Variants in SEMA5A observed in about 807,000 individuals in gnomAD.
SEMA5A encodes the protein semaphorin 5A.
SEMA5A carries 55 observed loss-of-function variants against 135.5 expected under a neutral mutation model. The ratio of observed to expected loss-of-function variants is 0.41; its 90% CI spans 0.33 to 0.51. The LOEUF (loss-of-function observed/expected upper bound fraction) is 0.51, where lower values mean the gene tolerates loss of function less well. SEMA5A is among the 20% of genes least tolerant of loss of function. The probability of loss-of-function intolerance (pLI) is 0.37; values close to 1 mark genes in which losing one functional copy is unlikely to be tolerated. For synonymous variants in SEMA5A, 580 were observed against 546.5 expected (o/e 1.06, Z -0.85); for missense variants, 1,290 against 1,419.9 (o/e 0.91, Z 1.47).
At chr5:9,274,870 G>C (rs1242818097) in intron 5 of SEMA5A, among the ~76,000 whole-genome samples, 1 of 152,128 alleles carries the variant, frequency 6.6e-6, no homozygotes, top group Non-Finnish European at 1.5e-5. Flanking sequence ...ATGCCCAAAA[G>C]AGAAAGCAGG....
Position 9,154,484 on chromosome 5 carries a change from C to G in SEMA5A, c.1481+4G>C. ...AGTGCATCCTGACCCCGGAGATGCC[C>G]TACCTGCGTGTGCGGTAGAACTGGC... is the stretch of plus-strand genomic sequence containing the variant. On this transcript the variant is annotated splice_donor_region_variant and intron_variant, in intron 12 of 22. Transcript: ENST00000382496. The G allele has an allele frequency of 6.2e-7, 1 of 1,611,920 alleles. No homozygotes were observed. The highest frequency in any genetic ancestry group is 1.1e-5 in the South Asian group (1 of 90,978).
chr5:9,373,370 C>T (rs1263949323), intron 3 of SEMA5A, among the ~76,000 whole-genome samples: 1 of 152,142 alleles, frequency 6.6e-6, no homozygotes, highest in Non-Finnish European at 1.5e-5. Context: ...GGGATAAAGG[C>T]AGCTGTTAAA....
At chr5:9,187,887 G>A (rs548578673) in intron 11 of SEMA5A, among the ~76,000 whole-genome samples, 2 of 152,350 alleles carry the variant, frequency 1.3e-5, no homozygotes, top group Non-Finnish European at 2.9e-5. Context: ...CGGTGTGGGG[G>A]TGAGGGTGTT....
At chr5:9,365,122 G>A (rs189531470) in intron 3 of SEMA5A, among the ~76,000 whole-genome samples, 12 of 152,260 alleles carry the variant, frequency 7.9e-5, no homozygotes, top group African/African-American at 2.9e-4. Flanking sequence ...GTGGGCAGAT[G>A]CATTAGAAAA....
intron 5 of SEMA5A, among the ~76,000 whole-genome samples, chr5:9,290,941 C>T (rs1401267183): frequency 6.6e-6 from 1 of 152,160 alleles, no homozygotes; most frequent in African/African-American, 2.4e-5. Context: ...TCCCTGATTC[C>T]CTCAGGATGC....
At chr5:9,540,551 C>T (rs1407640535) in intron 1 of SEMA5A, among the ~76,000 whole-genome samples, 4 of 151,984 alleles carry the variant, frequency 2.6e-5, no homozygotes, top group South Asian at 2.1e-4. Flanking sequence ...GAGCCAAGAT[C>T]GCGCCACTGC....
At chr5:9,325,951 A>G (rs534541713) in intron 4 of SEMA5A, among the ~76,000 whole-genome samples, 1 of 152,338 alleles carries the variant, frequency 6.6e-6, no homozygotes, top group South Asian at 2.1e-4. Flanking sequence ...GATAAAATGT[A>G]TAAAGACATT....
intron 1 of SEMA5A, among the ~76,000 whole-genome samples, chr5:9,513,990 G>C (rs576657463): frequency 6.6e-6 from 1 of 152,046 alleles, no homozygotes; most frequent in Non-Finnish European, 1.5e-5. Flanking sequence ...AATCTAAAAC[G>C]AGTTTCCTTG....
chr5:9,383,990 G>T (rs1755722894), intron 2 of SEMA5A, among the ~76,000 whole-genome samples: 1 of 152,196 alleles, frequency 6.6e-6, no homozygotes, highest in African/African-American at 2.4e-5. Context: ...GAGCTGAAAT[G>T]ACATGTTTGT....
Position 9,226,914 on chromosome 5 carries a change from G to C in SEMA5A, c.387C>G (p.Phe129Leu). 2.5e-6 allele frequency: 4 copies of C among 1,585,166 alleles called. No homozygotes were observed. Among genetic ancestry groups the C allele is most frequent in the Non-Finnish European group, 3.4e-6 (4 of 1,163,804 alleles). The change falls in exon 7 of 23, where the codon TTC becomes TTG. Residue 129 changes from phenylalanine (F) to leucine (L), a missense_variant. Around this residue, in one of 3 missense-constraint regions of SEMA5A, gnomAD observed 145 missense variants for 212.0 expected, o/e 0.68. Transcript: ENST00000382496. The stretch of plus-strand genomic sequence containing the variant: ...GCGTGAATGCATTGGTCCCACAGGT[G>C]AATAACCGGTCGCCACCCACCAGAA... Reference protein sequence around the residue: ...RVLLVGGDRLFTCGTNAFTPV... With the variant: ...RVLLVGGDRLLTCGTNAFTPV...
At chr5:9,369,240 C>CTG (rs766555550) in intron 3 of SEMA5A, among the ~76,000 whole-genome samples, 35 of 151,958 alleles carry the variant, frequency 2.3e-4, no homozygotes, top group African/African-American at 8.0e-4. Context: ...ATGTGTATCT[C>CTG]TGTGTGTGTG....
chr5:9,063,599 G>T, intron 17 of SEMA5A, among the ~76,000 whole-genome samples: 1 of 152,204 alleles, frequency 6.6e-6, no homozygotes, highest in East Asian at 1.9e-4. Context: ...TGGTAAAAGG[G>T]GCCAAGTCAA....
intron 5 of SEMA5A, among the ~76,000 whole-genome samples, chr5:9,301,776 C>A (rs117265544): frequency 2.0e-5 from 3 of 152,088 alleles, no homozygotes; most frequent in Non-Finnish European, 4.4e-5. Flanking sequence ...TGCCCACCTG[C>A]AATATATGAG....
intron 1 of SEMA5A, among the ~76,000 whole-genome samples, chr5:9,438,337 A>C (rs1561253300): frequency 6.6e-6 from 1 of 152,174 alleles, no homozygotes; most frequent in Non-Finnish European, 1.5e-5. Context: ...TTTTATTTAC[A>C]TACTGATTTA....
chr5:9,115,077 G>A (rs1458482786), intron 15 of SEMA5A, among the ~76,000 whole-genome samples: 1 of 152,200 alleles, frequency 6.6e-6, no homozygotes, highest in Non-Finnish European at 1.5e-5. Flanking sequence ...GTCTGTGAAT[G>A]TAGCTTTTGT....
intron 2 of SEMA5A, among the ~76,000 whole-genome samples, chr5:9,389,169 G>A (rs17256306): frequency 0.045 from 6,768 of 152,084 alleles, 239 homozygotes; most frequent in Non-Finnish European, 0.065. Context: ...TGTCTTCCCT[G>A]GATTCTGTAA....
At chr5:9,271,987 G>T (rs191070166) in intron 5 of SEMA5A, among the ~76,000 whole-genome samples, 1 of 152,088 alleles carries the variant, frequency 6.6e-6, no homozygotes, top group Admixed American at 6.5e-5. Flanking sequence ...TCATACCCCA[G>T]TGGCACCTGG....
chr5:9,441,189 A>C (rs1579545212), intron 1 of SEMA5A, among the ~76,000 whole-genome samples: 1 of 152,334 alleles, frequency 6.6e-6, no homozygotes, highest in East Asian at 1.9e-4. Flanking sequence ...TGTCTATATG[A>C]TTTTTCTGCT....
At chr5:9,083,805 G>A (rs1313325852) in intron 16 of SEMA5A, among the ~76,000 whole-genome samples, 1 of 152,164 alleles carries the variant, frequency 6.6e-6, no homozygotes, top group Non-Finnish European at 1.5e-5. Flanking sequence ...ATGCAAGAGG[G>A]ACTTAGTGTT....
Sources: gnomAD v4.1 joint callset for allele counts (sites outside exome capture counted in the v4.1 genomes callset) on GRCh38, gnomAD v4.1.1 for gene constraint, gnomAD v4.1.1 regional missense constraint, MANE v1.5 for transcripts, NCBI Gene and HGNC (gene_info 2026-07-23, HGNC 2026-07-21) for gene names.